MAPK10: variants seen among roughly 807,000 people sequenced by gnomAD.
MAPK10 encodes mitogen-activated protein kinase 10.
Under a neutral mutation model 59.3 loss-of-function variants are expected in MAPK10, and 25 were observed. That is an observed-to-expected ratio of 0.42 (90% CI 0.31 to 0.59). The LOEUF (loss-of-function observed/expected upper bound fraction) is 0.59. Ranked by LOEUF, MAPK10 falls within the 20% of genes least tolerant of loss-of-function variation. MAPK10 has a pLI of 0.15. For synonymous variants in MAPK10, 190 were observed against 200.5 expected (o/e 0.95, Z 0.44); for missense variants, 351 against 568.9 (o/e 0.62, Z 3.90).
intron 1 of MAPK10, chr4:86,358,378 C>G (rs1016411517): frequency 1.0e-6 from 1 of 985,278 alleles, no homozygotes; most frequent in Non-Finnish European, 1.2e-6. Flanking sequence ...CACTTACACT[C>G]GTTTTCCTTC....
intron 5 of MAPK10, among the ~76,000 whole-genome samples, chr4:86,105,033 T>G (rs2056284711): frequency 1.3e-5 from 2 of 152,116 alleles, no homozygotes; most frequent in African/African-American, 4.8e-5. Context: ...AATCTATGTT[T>G]GTCAGGCCCC....
intron 11 of MAPK10, among the ~76,000 whole-genome samples, chr4:86,044,936 A>C (rs148509066): frequency 3.5e-4 from 53 of 152,294 alleles, no homozygotes; most frequent in African/African-American, 1.2e-3. Flanking sequence ...AACTTTCTTA[A>C]GTACTTGCAA....
chr4:86,100,709 A>G (rs1457226963), intron 8 of MAPK10: 1 of 175,880 alleles, frequency 5.7e-6, no homozygotes, highest in African/African-American at 2.4e-5. Context: ...TTCTGCTTTC[A>G]CACTCATGCT....
At chr4:86,367,650 TG>T (rs763512278) in intron 1 of MAPK10, among the ~76,000 whole-genome samples, 45 of 151,750 alleles carry the variant, frequency 3.0e-4, no homozygotes, top group South Asian at 6.2e-4. Context: ...AGCAAGCATT[TG>T]TTTTTTTTTT....
intron 11 of MAPK10, among the ~76,000 whole-genome samples, chr4:86,042,544 C>G (rs185260974): frequency 1.4e-3 from 209 of 152,050 alleles, no homozygotes; most frequent in African/African-American, 5.0e-3. Context: ...ATTGTGACAT[C>G]AAAAATTTTA....
intron 4 of MAPK10, among the ~76,000 whole-genome samples, chr4:86,149,353 G>A (rs546430669): frequency 3.4e-4 from 52 of 152,056 alleles, no homozygotes; most frequent in Admixed American, 1.1e-3. Context: ...TGCAGCCTCC[G>A]CCCCCCAGGT....
chr4:86,518,215 G>A (rs1214593551), intron 1 of MAPK10, among the ~76,000 whole-genome samples: 1 of 152,154 alleles, frequency 6.6e-6, no homozygotes, highest in African/African-American at 2.4e-5. Flanking sequence ...GAGAGACAGG[G>A]TTTTGCCATG....
chr4:86,153,586 G>C (rs115191941), intron 4 of MAPK10, among the ~76,000 whole-genome samples: 2,920 of 152,088 alleles, frequency 0.019, 40 homozygotes, highest in South Asian at 0.065. Flanking sequence ...TAGAAATGTG[G>C]GTATTACATA....
intron 1 of MAPK10, among the ~76,000 whole-genome samples, chr4:86,522,675 G>A (rs918961165): frequency 6.6e-6 from 1 of 152,052 alleles, no homozygotes; most frequent in Non-Finnish European, 1.5e-5. Flanking sequence ...TTCTAATTTT[G>A]TTCTCAGGTT....
chr4:86,099,767 T>C (rs1052426746), intron 8 of MAPK10: 4 of 152,262 alleles, frequency 2.6e-5, no homozygotes, highest in Admixed American at 6.5e-5. Flanking sequence ...CTGTACATTC[T>C]TGATTCTTGA....
chr4:86,196,040 T>C lies in MAPK10; in HGVS notation c.-6-1633A>G, dbSNP rs145547470. ...GCTGCAATAAACATAAGTGTGCATA[T>C]GTCTTTATAGAAGAATGATTTATAA... On this transcript the variant is annotated intron_variant, in intron 2 of 13. Transcript: ENST00000641462. Among the ~76,000 whole-genome samples the C allele has an allele frequency of 3.9e-5, 6 of 152,342 alleles. No individual in the cohort carries two copies. In the East Asian group the frequency reaches 1.2e-3, roughly 29 times the overall value.
At position 86,012,587 on chromosome 4, in the gene MAPK10, A is replaced by G. The variant is rs145063374; in HGVS notation, c.*4641T>C. On this transcript the variant is annotated 3_prime_UTR_variant, in exon 14 of 14. Transcript: ENST00000641462. ...ACCTAAAAAGAGTCAAAAGAAGCAG[A>G]AGTTCTCCCCCGATTCATCCTCTTG... is the stretch of plus-strand genomic sequence containing the variant. 1.7e-4 allele frequency: 26 copies of G among 152,358 alleles called. No homozygotes were observed. Among genetic ancestry groups the G allele is most frequent in the African/African-American group, 6.3e-4 (26 of 41,594 alleles). The allele number at this position is 152,358 out of a possible 1,614,324, so 9.4% of individuals were successfully genotyped here. A position where few individuals can be genotyped will look rare whatever the true frequency, so the allele number is the denominator to read the frequency against.
rs1439644695 is a variant in MAPK10, at chr4:86,299,894, T to TC, written c.-7+54635dup. On this transcript the variant is annotated intron_variant, in intron 2 of 13. Transcript: ENST00000641462. ...ACAATAATACCTTTCTTATTTTTTT[T>TC]CTTTTTTTGTTTTTTTGAGATAGAG... 7.2e-5 allele frequency among the ~76,000 whole-genome samples: 11 copies of TC among 152,276 alleles called. No individual in the cohort carries two copies. The East Asian group carries it at 2.1e-3, about 29-fold the overall frequency.
intron 1 of MAPK10, among the ~76,000 whole-genome samples, chr4:86,495,484 C>T (rs1463137022): frequency 2.6e-5 from 4 of 152,110 alleles, no homozygotes; most frequent in African/African-American, 7.2e-5. Flanking sequence ...AATGCAATAG[C>T]TTGTCTTTAT....
At chr4:86,240,161 A>G (rs2148684664) in intron 2 of MAPK10, among the ~76,000 whole-genome samples, 1 of 152,270 alleles carries the variant, frequency 6.6e-6, no homozygotes, top group South Asian at 2.1e-4. Flanking sequence ...TGTGGTTTTG[A>G]TTGAGTTTCC....
intron 9 of MAPK10, among the ~76,000 whole-genome samples, chr4:86,077,129 A>G (rs2049660908): frequency 1.3e-5 from 2 of 152,156 alleles, no homozygotes; most frequent in Admixed American, 1.3e-4. Flanking sequence ...GTTCAATTTT[A>G]TAAGTAGGGC....
chr4:86,330,419 T>G (rs1319184696), intron 2 of MAPK10, among the ~76,000 whole-genome samples: 1 of 152,186 alleles, frequency 6.6e-6, no homozygotes, highest in Non-Finnish European at 1.5e-5. Context: ...ATGATATGGT[T>G]TGTCTGTGTC....
intron 4 of MAPK10, among the ~76,000 whole-genome samples, chr4:86,154,148 G>A (rs1321211601): frequency 3.9e-5 from 6 of 152,022 alleles, no homozygotes; most frequent in Non-Finnish European, 8.8e-5. Flanking sequence ...AGTCTGTTTT[G>A]TATTATTGAG....
At chr4:86,450,732 A>C (rs1056569144) in intron 1 of MAPK10, among the ~76,000 whole-genome samples, 1 of 152,204 alleles carries the variant, frequency 6.6e-6, no homozygotes, top group African/African-American at 2.4e-5. Flanking sequence ...ACAACCCAGC[A>C]TATGGGTTCA....
Sources: gnomAD v4.1 joint callset for allele counts (sites outside exome capture counted in the v4.1 genomes callset) on GRCh38, gnomAD v4.1.1 for gene constraint, MANE v1.5 for transcripts, NCBI Gene and HGNC (gene_info 2026-07-23, HGNC 2026-07-21) for gene names.